Variants in LAMB1 observed in about 807,000 individuals in gnomAD.
LAMB1 encodes the protein laminin subunit beta 1, also known as laminin subunit beta-1.
In LAMB1, 121 loss-of-function variants were observed where a neutral mutation model predicts 222.3. The observed-to-expected ratio is 0.54, with a 90% confidence interval of 0.47 to 0.63. LAMB1 has a LOEUF of 0.63. Ranked by LOEUF, LAMB1 falls within the 30% of genes least tolerant of loss-of-function variation. The pLI, the probability that LAMB1 is intolerant of heterozygous loss-of-function variation, is 0.00. For synonymous variants in LAMB1, 794 were observed against 807.2 expected (o/e 0.98, Z 0.28); for missense variants, 2,172 against 2,240.8 (o/e 0.97, Z 0.62).
chr7:107,947,610 C>T (rs1458885237), intron 24 of LAMB1, among the ~76,000 whole-genome samples: 1 of 152,218 alleles, frequency 6.6e-6, no homozygotes, highest in Non-Finnish European at 1.5e-5. Context: ...ACTCCTGTTG[C>T]CACCCTGTCT....
At chr7:107,994,238 G>C (rs2034239474) in intron 5 of LAMB1, among the ~76,000 whole-genome samples, 1 of 152,164 alleles carries the variant, frequency 6.6e-6, no homozygotes, top group Admixed American at 6.6e-5. Flanking sequence ...TTTGTACAGA[G>C]ACATTCCCTA....
chr7:107,973,119 G>C, intron 12 of LAMB1, 48 bp from the exon 13 acceptor site: 1 of 1,446,884 alleles, frequency 6.9e-7, no homozygotes, highest in Non-Finnish European at 9.7e-7. Context: ...CTGTAATTAT[G>C]CAACAGACTC....
intron 17 of LAMB1, 148 bp downstream of exon 17, chr7:107,961,058 G>C (rs1356764887): frequency 1.2e-6 from 1 of 803,610 alleles, no homozygotes; most frequent in African/African-American, 1.7e-5. Context: ...CCATGGGGTG[G>C]AGTATAAGCA....
intron 31 of LAMB1, among the ~76,000 whole-genome samples, chr7:107,927,704 G>A (rs908545712): frequency 2.6e-5 from 4 of 152,074 alleles, no homozygotes; most frequent in Admixed American, 6.5e-5. Flanking sequence ...CCTAGAGATC[G>A]AAACATCAAA....
intron 31 of LAMB1, among the ~76,000 whole-genome samples, chr7:107,928,568 T>C (rs1257077980): frequency 2.0e-5 from 3 of 151,900 alleles, no homozygotes; most frequent in Non-Finnish European, 4.4e-5. Flanking sequence ...TCTCAGCTCA[T>C]TGCAACCTCG....
intron 13 of LAMB1, among the ~76,000 whole-genome samples, chr7:107,968,078 C>T (rs899020741): frequency 3.3e-5 from 5 of 152,118 alleles, no homozygotes; most frequent in African/African-American, 1.2e-4. Flanking sequence ...TTGCTACAGT[C>T]ATTCCCATCT....
At chr7:107,925,364 G>A (rs866627400) in intron 32 of LAMB1, among the ~76,000 whole-genome samples, 1 of 152,072 alleles carries the variant, frequency 6.6e-6, no homozygotes, top group Non-Finnish European at 1.5e-5. Context: ...ATAGGAGCAC[G>A]AATCCTATTG....
intron 7 of LAMB1, among the ~76,000 whole-genome samples, chr7:107,985,521 C>T (rs1411428854): frequency 4.6e-5 from 7 of 151,786 alleles, no homozygotes; most frequent in South Asian, 2.1e-4. Context: ...CCCAGCTACT[C>T]GGGAGGCTGA....
rs1436222151 is a variant in LAMB1 at position 107,962,919 on chromosome 7, G to T, written c.1843C>A (p.Arg615Ser). ...PYSMEYDILIRYEPQLPDHWE... is the reference protein window; with the variant it reads ...PYSMEYDILISYEPQLPDHWE... ...GGTTTCTTTACCTGTGGCTCGTAGC[G>T]AATTAGGATGTCGTACTCCATGGAA... The change falls in exon 15 of 34, where the codon CGC becomes AGC. Residue 615 changes from arginine (R) to serine (S), a missense_variant. Coordinates refer to ENST00000222399, the MANE Select transcript of LAMB1 (RefSeq NM_002291.3). The T allele has an allele frequency of 5.6e-6, 9 of 1,612,572 alleles. No homozygotes were observed. The highest frequency in any genetic ancestry group is 1.3e-5 in the African/African-American group (1 of 74,740).
intron 24 of LAMB1, chr7:107,950,990 A>C (rs1370502156): frequency 4.8e-6 from 2 of 414,020 alleles, no homozygotes; most frequent in African/African-American, 4.1e-5. Flanking sequence ...ACTTTACCCC[A>C]GGGTGTGAGG....
chr7:107,978,077 C>A lies in LAMB1; in HGVS notation c.970G>T (p.Ala324Ser), dbSNP rs773331425. ...DFYHDLPWRP[A>S]EGRNSNACKK... The stretch of plus-strand genomic sequence containing the variant: ...CAGGCGTTGCTGTTTCGGCCTTCAG[C>A]AGGTCTCCAAGGTAAATCATGGTAG... Residue 324 changes from alanine to serine, a missense_variant, in exon 9 of 34, where the codon GCT becomes TCT. By Grantham distance (99) the Ala-to-Ser change is moderately conservative. Transcript: ENST00000222399. 1.9e-6 allele frequency: 3 copies of A among 1,614,060 alleles called. No individual in the cohort carries two copies. Among genetic ancestry groups the A allele is most frequent in the Non-Finnish European group, 8.5e-7 (1 of 1,180,044 alleles).
chr7:107,998,513 A>T, intron 3 of LAMB1, 21 bp from the exon 4 acceptor site: 1 of 1,610,286 alleles, frequency 6.2e-7, no homozygotes, highest in Non-Finnish European at 8.5e-7. Context: ...AGTTGAGTTC[A>T]TCAGTCTAGA....
Position 107,931,395 on chromosome 7 carries a change from G to T in LAMB1, c.4498C>A (p.Leu1500Met). The part of the protein sequence containing the change: ...KEKMDKSNEE[L>M]RNLIKQIRNF... ...CTGATTTGCTTGATTAGATTTCTCA[G>T]CTCCTCATTGCTCTTGTCCATTTTT... is the stretch of plus-strand genomic sequence containing the variant. Residue 1500 changes from leucine (L) to methionine (M), a missense_variant, in exon 29 of 34, where the codon CTG becomes ATG. Physicochemically the swap from Leu to Met is conservative, Grantham distance 15 (BLOSUM62 2). Coordinates refer to ENST00000222399, the MANE Select transcript of LAMB1 (RefSeq NM_002291.3). The T allele has an allele frequency of 6.2e-7, 1 of 1,613,748 alleles. No individual in the cohort carries two copies. The highest frequency in any genetic ancestry group is 8.5e-7 in the Non-Finnish European group (1 of 1,179,808).
At chr7:107,935,756 G>A in intron 26 of LAMB1, 100 bp from the exon 27 acceptor site, 2 of 1,299,436 alleles carry the variant, frequency 1.5e-6, no homozygotes, top group Non-Finnish European at 2.1e-6. Context: ...TAAATTTACT[G>A]TAAAGTTTTA....
Position 107,975,056 on chromosome 7 carries a change from G to C in LAMB1, c.1412C>G (p.Pro471Arg), listed in dbSNP as rs2033823746. 2 of 1,612,826 alleles carry C rather than the reference G, an allele frequency of 1.2e-6. No individual in the cohort carries two copies. Among genetic ancestry groups the C allele is most frequent in the Non-Finnish European group, 1.7e-6 (2 of 1,178,934 alleles). ...NPLGTIPGGN[P>R]CDSETGHCYC... is the part of the protein sequence containing the mutation. ...GCAGTGACCTGTCTCGGAATCACAA[G>C]GATTCCCTCCAGGAATTGTTCCCAG... The change falls in exon 12 of 34, where the codon CCT becomes CGT. Residue 471 changes from proline to arginine, a missense_variant. Pro to Arg is a moderately radical substitution (Grantham distance 103). Coordinates refer to ENST00000222399, the MANE Select transcript of LAMB1 (RefSeq NM_002291.3).
At chr7:107,952,339 A>G (rs1554405691) in intron 22 of LAMB1, 116 bp from the exon 23 acceptor site, 1 of 724,290 alleles carries the variant, frequency 1.4e-6, no homozygotes, top group Non-Finnish European at 2.2e-6. Context: ...CTTGAAATGC[A>G]AAGAAGGAAA....
intron 24 of LAMB1, among the ~76,000 whole-genome samples, chr7:107,946,056 A>G (rs1249986695): frequency 2.6e-5 from 4 of 152,134 alleles, no homozygotes; most frequent in Non-Finnish European, 4.4e-5. Context: ...TGGGCTGATT[A>G]TCCTCCTTTT....
chr7:107,965,622 A>G (rs888325159), intron 13 of LAMB1, among the ~76,000 whole-genome samples: 13 of 152,158 alleles, frequency 8.5e-5, no homozygotes, highest in Admixed American at 8.5e-4. Context: ...TTTGTATACA[A>G]TACAAAACTC....
At chr7:107,984,282 T>C (rs1345002954) in intron 7 of LAMB1, among the ~76,000 whole-genome samples, 3 of 152,170 alleles carry the variant, frequency 2.0e-5, no homozygotes, top group Non-Finnish European at 4.4e-5. Context: ...AGAGTCTTGC[T>C]CTGTCACCCA....
Sources: allele counts gnomAD v4.1 joint callset (sites outside exome capture counted in the v4.1 genomes callset), GRCh38; gene constraint gnomAD v4.1.1; transcripts MANE v1.5; gene names NCBI Gene and HGNC (gene_info 2026-07-23, HGNC 2026-07-21).